Variants in SUGCT observed in about 807,000 individuals in gnomAD.
SUGCT encodes succinyl-CoA:glutarate-CoA transferase.
A neutral mutation model predicts 55.0 loss-of-function variants in SUGCT; 41 were observed. That is an observed-to-expected ratio of 0.74 (90% CI 0.58 to 0.97). The LOEUF (loss-of-function observed/expected upper bound fraction) is 0.97. Ranked by LOEUF, SUGCT falls within the 50% of genes least tolerant of loss-of-function variation. SUGCT has a pLI of 0.00. For synonymous variants in SUGCT, 187 were observed against 200.4 expected (o/e 0.93, Z 0.56); for missense variants, 568 against 547.8 (o/e 1.04, Z -0.37).
chr7:40,993,541 T>C, the SUGCT span, among the ~76,000 whole-genome samples: 2 of 152,180 alleles, frequency 1.3e-5, no homozygotes, highest in Non-Finnish European at 2.9e-5. Context: ...TGTTGGGTGT[T>C]CACATCTCAC....
At chr7:40,171,023 AC>A (rs1784645013) in intron 1 of SUGCT, among the ~76,000 whole-genome samples, 1 of 152,210 alleles carries the variant, frequency 6.6e-6, no homozygotes, top group South Asian at 2.1e-4. Flanking sequence ...TCAAGATGCA[AC>A]AGTTCTTATG....
chr7:40,332,906 A>T (rs1472603805), intron 9 of SUGCT, among the ~76,000 whole-genome samples: 1 of 152,098 alleles, frequency 6.6e-6, no homozygotes, highest in Non-Finnish European at 1.5e-5. Context: ...GGAGAAGAGG[A>T]TTTAGTGGTG....
the SUGCT span, among the ~76,000 whole-genome samples, chr7:40,925,813 G>T: frequency 6.6e-6 from 1 of 152,072 alleles, no homozygotes; most frequent in Non-Finnish European, 1.5e-5. Flanking sequence ...AAAATTTCTT[G>T]CCAGTCATGA....
the SUGCT span, among the ~76,000 whole-genome samples, chr7:40,893,208 A>G: frequency 6.6e-6 from 1 of 152,192 alleles, no homozygotes; most frequent in African/African-American, 2.4e-5. Context: ...AGAAATAGAC[A>G]TTTATACAAT....
At chr7:40,798,842 T>G (rs1790676440) in intron 13 of SUGCT, among the ~76,000 whole-genome samples, 1 of 152,190 alleles carries the variant, frequency 6.6e-6, no homozygotes, top group African/African-American at 2.4e-5. Context: ...CAGTACATTT[T>G]TTTCTTTCTT....
chr7:40,459,772 A>C (rs1489173407), intron 11 of SUGCT, among the ~76,000 whole-genome samples: 1 of 152,180 alleles, frequency 6.6e-6, no homozygotes, highest in Non-Finnish European at 1.5e-5. Context: ...TATTAATGTT[A>C]ATTAAGTAGA....
At chr7:40,254,685 G>T (rs1178445905) in intron 7 of SUGCT, among the ~76,000 whole-genome samples, 1 of 151,544 alleles carries the variant, frequency 6.6e-6, no homozygotes, top group Admixed American at 6.6e-5. Context: ...GTCAGCCACC[G>T]CACCCAGCCA....
At chr7:40,545,890 C>G (rs1794962692) in intron 12 of SUGCT, among the ~76,000 whole-genome samples, 1 of 152,164 alleles carries the variant, frequency 6.6e-6, no homozygotes, top group African/African-American at 2.4e-5. Context: ...ACAATGCACT[C>G]TCTGTGGGCT....
intron 13 of SUGCT, among the ~76,000 whole-genome samples, chr7:40,841,403 GA>G (rs1793275349): frequency 6.6e-6 from 1 of 151,966 alleles, no homozygotes; most frequent in African/African-American, 2.4e-5. Context: ...TATAGATGAC[GA>G]CAACTAAATT....
At chr7:40,903,018 ATTTCTTTTCT>A in the SUGCT span, among the ~76,000 whole-genome samples, 11 of 149,714 alleles carry the variant, frequency 7.3e-5, no homozygotes, top group East Asian at 5.8e-4. Context: ...ACTTTCTTTC[ATTTCTTTTCT>A]TTTCTTTTCT....
At chr7:40,250,348 C>T (rs1790283854) in intron 7 of SUGCT, among the ~76,000 whole-genome samples, 2 of 150,862 alleles carry the variant, frequency 1.3e-5, no homozygotes, top group Non-Finnish European at 2.9e-5. Context: ...TGCAGTGAAC[C>T]GAGATAGTGC....
intron 13 of SUGCT, among the ~76,000 whole-genome samples, chr7:40,838,560 T>TTAC (rs1793109711): frequency 6.6e-6 from 1 of 152,218 alleles, no homozygotes; most frequent in African/African-American, 2.4e-5. Flanking sequence ...ATTTTCCTTA[T>TTAC]TACTACATAG....
chr7:40,514,407 A>G (rs924652370), intron 12 of SUGCT, among the ~76,000 whole-genome samples: 5 of 152,082 alleles, frequency 3.3e-5, no homozygotes, highest in Non-Finnish European at 5.9e-5. Context: ...ATTTATTAAC[A>G]AACAAAAATG....
At chr7:40,295,272 A>C (rs1248648368) in intron 8 of SUGCT, among the ~76,000 whole-genome samples, 1 of 152,116 alleles carries the variant, frequency 6.6e-6, no homozygotes, top group Non-Finnish European at 1.5e-5. Flanking sequence ...TTAGAAAAAA[A>C]ATTACATTTA....
chr7:40,249,317 A>ATATCTATATATATATATCTATATC (rs1562611996), intron 7 of SUGCT, among the ~76,000 whole-genome samples: 13 of 21,516 alleles, frequency 6.0e-4, no homozygotes, highest in Non-Finnish European at 1.3e-3. Flanking sequence ...AAAAAGCTAT[A>ATATCTATATATATATATCTATATC]TATATATATA....
chr7:40,882,933 C>T, the SUGCT span, among the ~76,000 whole-genome samples: 13 of 152,278 alleles, frequency 8.5e-5, no homozygotes, highest in South Asian at 1.0e-3. Context: ...TCTGTTCCTT[C>T]GTTTAGCTTT....
At chr7:40,902,675 A>G in the SUGCT span, among the ~76,000 whole-genome samples, 1 of 152,112 alleles carries the variant, frequency 6.6e-6, no homozygotes, top group Non-Finnish European at 1.5e-5. Flanking sequence ...TTTTGGAATC[A>G]TTTAATAATG....
At chr7:40,402,429 A>G (rs1786125976) in intron 9 of SUGCT, among the ~76,000 whole-genome samples, 1 of 152,198 alleles carries the variant, frequency 6.6e-6, no homozygotes, top group South Asian at 2.1e-4. Context: ...AACTGCCTCA[A>G]TTAAGAAAGT....
chr7:40,162,156 A>G (rs1184127694), intron 1 of SUGCT, among the ~76,000 whole-genome samples: 3 of 152,280 alleles, frequency 2.0e-5, no homozygotes, highest in Middle Eastern at 3.4e-3. Flanking sequence ...TCGGCCTCCC[A>G]AAGCTCTGGG....
Sources: allele counts gnomAD v4.1 joint callset (sites outside exome capture counted in the v4.1 genomes callset), GRCh38; gene constraint gnomAD v4.1.1; transcripts MANE v1.5; gene names NCBI Gene and HGNC (gene_info 2026-07-23, HGNC 2026-07-21).